CSMD3: variants seen among roughly 807,000 people sequenced by gnomAD.
The protein encoded by CSMD3 is CUB and Sushi multiple domains 3, also known as CUB and sushi domain-containing protein 3.
In CSMD3, 177 loss-of-function variants were observed where a neutral mutation model predicts 435.2. The ratio of observed to expected loss-of-function variants is 0.41; its 90% CI spans 0.36 to 0.46. The LOEUF (loss-of-function observed/expected upper bound fraction) is 0.46, where lower values mean the gene tolerates loss of function less well. CSMD3 is among the 20% of genes least tolerant of loss of function. The pLI is 0.34. For synonymous variants in CSMD3, 1,656 were observed against 1,520.5 expected (o/e 1.09, Z -2.07); for missense variants, 4,265 against 4,504.6 (o/e 0.95, Z 1.52).
At chr8:113,315,870 C>G (rs2093905967) in intron 1 of CSMD3, among the ~76,000 whole-genome samples, 1 of 151,688 alleles carries the variant, frequency 6.6e-6, no homozygotes, top group African/African-American at 2.4e-5. Flanking sequence ...AGACATGCAC[C>G]ACCACGCCCG....
intron 8 of CSMD3, among the ~76,000 whole-genome samples, chr8:112,951,135 C>T (rs1388144930): frequency 1.3e-5 from 2 of 151,714 alleles, no homozygotes; most frequent in Non-Finnish European, 2.9e-5. Context: ...TCTTTCATTT[C>T]TTTTGATATT....
chr8:112,943,305 T>C (rs540167903), intron 9 of CSMD3, among the ~76,000 whole-genome samples: 24 of 151,906 alleles, frequency 1.6e-4, no homozygotes, highest in African/African-American at 5.3e-4. Flanking sequence ...ACAGTGCTTT[T>C]TATAGAGCAG....
At chr8:112,228,932 A>T (rs761153917) in intron 69 of CSMD3, 41 bp from the exon 70 acceptor site, 1 of 1,065,630 alleles carries the variant, frequency 9.4e-7, no homozygotes. Flanking sequence ...CAACTCTTTT[A>T]TCATAATTAA....
At chr8:112,924,261 G>A (rs1277999002) in intron 9 of CSMD3, among the ~76,000 whole-genome samples, 2 of 152,154 alleles carry the variant, frequency 1.3e-5, no homozygotes, top group African/African-American at 2.4e-5. Context: ...TTAACAAGCT[G>A]TCACGGAAAT....
rs143842866 is a variant in CSMD3 at position 112,557,956 on chromosome 8, G to A, written c.4043-1002C>T. The stretch of plus-strand genomic sequence containing the variant: ...CATCTGAAGTGTGGGCATTCTTGTC[G>A]GATTGAGCCCCTAAACTGTGGGGTC... On this transcript the variant is annotated intron_variant, in intron 24 of 70. Coordinates refer to ENST00000297405, the MANE Select transcript of CSMD3 (RefSeq NM_198123.2). Among the ~76,000 whole-genome samples, 350 of 151,994 alleles carry A rather than the reference G, an allele frequency of 2.3e-3. 1 individual carries two copies. Among genetic ancestry groups the A allele is most frequent in the African/African-American group, 8.0e-3 (331 of 41,500 alleles).
At chr8:112,303,879 T>C (rs567062475) in intron 52 of CSMD3, among the ~76,000 whole-genome samples, 6 of 152,228 alleles carry the variant, frequency 3.9e-5, no homozygotes, top group African/African-American at 1.2e-4. Flanking sequence ...TGTCTATAAA[T>C]CATGGGTCTC....
At chr8:112,896,799 A>AAT (rs943081214) in intron 10 of CSMD3, among the ~76,000 whole-genome samples, 4 of 151,482 alleles carry the variant, frequency 2.6e-5, no homozygotes, top group African/African-American at 7.3e-5. Context: ...TGCAAATCTG[A>AAT]ATATATATAT....
intron 10 of CSMD3, among the ~76,000 whole-genome samples, chr8:112,861,471 C>T (rs1463722928): frequency 6.6e-6 from 1 of 151,804 alleles, no homozygotes; most frequent in African/African-American, 2.4e-5. Flanking sequence ...CTTTGATTTA[C>T]CATACTCTTT....
chr8:112,787,744 G>T (rs2132275066), intron 13 of CSMD3, among the ~76,000 whole-genome samples: 1 of 152,148 alleles, frequency 6.6e-6, no homozygotes, highest in East Asian at 1.9e-4. Flanking sequence ...TTGAACAGTT[G>T]AACTCATGGA....
At chr8:112,537,938 C>G (rs1475845904) in intron 27 of CSMD3, among the ~76,000 whole-genome samples, 1 of 151,928 alleles carries the variant, frequency 6.6e-6, no homozygotes, top group African/African-American at 2.4e-5. Flanking sequence ...AACAAAGAGC[C>G]TCAACCAAAT....
chr8:113,404,279 A>G (rs2094522755), intron 1 of CSMD3, among the ~76,000 whole-genome samples: 1 of 151,438 alleles, frequency 6.6e-6, no homozygotes, highest in Non-Finnish European at 1.5e-5. Context: ...ACTGTTCACT[A>G]TGGCTTGATG....
intron 10 of CSMD3, among the ~76,000 whole-genome samples, chr8:112,899,942 G>T (rs1248403064): frequency 6.6e-6 from 1 of 150,744 alleles, no homozygotes; most frequent in South Asian, 2.1e-4. Context: ...TTAGAATAAA[G>T]TACCTTCAAT....
chr8:113,412,818 A>AG (rs1006587695), intron 1 of CSMD3, among the ~76,000 whole-genome samples: 2 of 151,910 alleles, frequency 1.3e-5, no homozygotes, highest in Non-Finnish European at 2.9e-5. Context: ...GTAAAAAAAA[A>AG]CAAACCAAAG....
At chr8:112,462,665 A>C (rs1817567496) in intron 32 of CSMD3, among the ~76,000 whole-genome samples, 1 of 143,138 alleles carries the variant, frequency 7.0e-6, no homozygotes, top group African/African-American at 2.6e-5. Flanking sequence ...AACAACAGAA[A>C]GATATATATG....
chr8:112,438,681 T>C (rs1283906553), intron 32 of CSMD3, among the ~76,000 whole-genome samples: 1 of 152,162 alleles, frequency 6.6e-6, no homozygotes, highest in African/African-American at 2.4e-5. Flanking sequence ...TAATTTTCTC[T>C]AGACAATGTT....
intron 23 of CSMD3, among the ~76,000 whole-genome samples, chr8:112,576,078 G>A (rs1300671272): frequency 1.3e-5 from 2 of 151,852 alleles, no homozygotes; most frequent in African/African-American, 4.8e-5. Flanking sequence ...TTGTTTCTTG[G>A]ATAAAACTAT....
Position 113,318,404 on chromosome 8 carries a change from C to A in CSMD3, c.179-3611G>T, listed in dbSNP as rs2093925586. Among the ~76,000 whole-genome samples the A allele has an allele frequency of 2.0e-5, 3 of 152,218 alleles. No homozygotes were observed. In the South Asian group the frequency reaches 6.2e-4, roughly 32 times the overall value. On this transcript the variant is annotated intron_variant, in intron 1 of 70. Transcript: ENST00000297405. ...TAGTGAAATAGATTACTGTAGCTAT[C>A]ATCTCACATAGTTACTTTTTTGTTT...
At chr8:112,418,092 T>C (rs1002288779) in intron 32 of CSMD3, among the ~76,000 whole-genome samples, 4 of 152,166 alleles carry the variant, frequency 2.6e-5, no homozygotes, top group Non-Finnish European at 5.9e-5. Flanking sequence ...AAAATGCACA[T>C]GTGCATCCAC....
At chr8:112,333,609 T>C (rs1054890263) in intron 45 of CSMD3, among the ~76,000 whole-genome samples, 12 of 152,136 alleles carry the variant, frequency 7.9e-5, no homozygotes, top group Non-Finnish European at 1.2e-4. Flanking sequence ...CACTAAGATT[T>C]TGTGTTTATG....
Sources: allele counts gnomAD v4.1 joint callset (sites outside exome capture counted in the v4.1 genomes callset), GRCh38; gene constraint gnomAD v4.1.1; transcripts MANE v1.5; gene names NCBI Gene and HGNC (gene_info 2026-07-23, HGNC 2026-07-21).